Variants in NUP214 observed in about 807,000 individuals in gnomAD.
The protein encoded by NUP214 is nucleoporin 214, also known as nuclear pore complex protein Nup214.
Under a neutral mutation model 196.2 loss-of-function variants are expected in NUP214, and 79 were observed. The observed-to-expected ratio is 0.40, with a 90% CI of 0.34 to 0.49. The LOEUF (loss-of-function observed/expected upper bound fraction) is 0.49, where lower values mean the gene tolerates loss of function less well. Among genes scored for constraint, NUP214 ranks in the 20% least tolerant of loss-of-function variants. The pLI, the probability that NUP214 is intolerant of heterozygous loss-of-function variation, is 0.58. For synonymous variants in NUP214, 1,020 were observed against 990.5 expected (o/e 1.03, Z -0.56); for missense variants, 2,468 against 2,539.0 (o/e 0.97, Z 0.60).
intron 30 of NUP214, among the ~76,000 whole-genome samples, chr9:131,207,076 C>T (rs571217877): frequency 6.6e-6 from 1 of 152,260 alleles, no homozygotes; most frequent in East Asian, 1.9e-4. Flanking sequence ...TCAGAAAACT[C>T]TAAAGATGCT....
At position 131,195,314 on chromosome 9, in the gene NUP214, T is replaced by C; in HGVS notation, c.3721+20T>C. ...CACAAGGTACAGACTCTGTGTTGAG[T>C]AGCATTACTCATGTGTTTTCTCTAA... On this transcript the variant is annotated intron_variant, in intron 28 of 35. Transcript: ENST00000359428. 6.3e-7 allele frequency: 1 copy of C among 1,595,954 alleles called. No homozygotes were observed. Among genetic ancestry groups the C allele is most frequent in the Non-Finnish European group, 8.6e-7 (1 of 1,163,488 alleles).
At chr9:131,224,200 A>G (rs971317296) in intron 32 of NUP214, among the ~76,000 whole-genome samples, 5 of 152,332 alleles carry the variant, frequency 3.3e-5, no homozygotes, top group Middle Eastern at 3.4e-3. Context: ...ATATTTATAT[A>G]AACTATATGC....
intron 19 of NUP214, 134 bp downstream of exon 19, chr9:131,163,307 A>C: frequency 1.2e-6 from 1 of 826,928 alleles, no homozygotes; most frequent in Non-Finnish European, 1.8e-6. Context: ...TCAGGGTCCC[A>C]CCCTCTCTGA....
At chr9:131,221,841 C>T (rs568504826) in intron 31 of NUP214, among the ~76,000 whole-genome samples, 134 of 151,084 alleles carry the variant, frequency 8.9e-4, no homozygotes, top group African/African-American at 3.0e-3. Flanking sequence ...TTCCCACCAA[C>T]GCCCACCCCC....
At chr9:131,126,131 C>T (rs1011735744) in intron 1 of NUP214, 3 of 258,430 alleles carry the variant, frequency 1.2e-5, no homozygotes, top group African/African-American at 2.3e-5. Context: ...CCTAAAGTCA[C>T]ATTTGACGCG....
chr9:131,175,467 A>G lies in NUP214; in HGVS notation c.3165A>G (p.Thr1055=). ...TTTTTCTTTTCCTCTTAGTGGCTACATCTGCTAGCAAAATTATTCCTCAAG... is the reference window on the plus strand; with the variant it reads ...TTTTTCTTTTCCTCTTAGTGGCTACGTCTGCTAGCAAAATTATTCCTCAAG... ...SPGVMGTSVA[T]SASKIIPQGA... is the part of the protein sequence containing the mutation. Residue 1055 remains threonine, a synonymous_variant, in exon 23 of 36, where the codon ACA becomes ACG. Coordinates refer to ENST00000359428, the MANE Select transcript of NUP214 (RefSeq NM_005085.4). 2 of 1,614,146 alleles carry G rather than the reference A, an allele frequency of 1.2e-6. No individual in the cohort carries two copies. Among genetic ancestry groups the G allele is most frequent in the South Asian group, 2.2e-5 (2 of 91,082 alleles).
At position 131,144,524 on chromosome 9, in the gene NUP214, A is replaced by C; in HGVS notation, c.1539A>C (p.Pro513=). 6.2e-7 allele frequency: 1 copy of C among 1,614,082 alleles called. No homozygotes were observed. The highest frequency in any genetic ancestry group is 2.2e-5 in the East Asian group (1 of 44,882). ...GCTCCGACAGCTCCAAAGCAGCCCC[A>C]GGCCCTGGCCCATCAACCTTCTCTT... The part of the protein sequence containing the change: ...SSGSDSSKAA[P]GPGPSTFSFV... The change falls in exon 12 of 36, where the codon CCA becomes CCC. Residue 513 remains proline (P), a synonymous_variant. Coordinates refer to ENST00000359428, the MANE Select transcript of NUP214 (RefSeq NM_005085.4).
At chr9:131,209,741 T>A (rs765276904) in intron 30 of NUP214, among the ~76,000 whole-genome samples, 11 of 152,200 alleles carry the variant, frequency 7.2e-5, no homozygotes, top group Non-Finnish European at 1.5e-4. Context: ...CTGAAAGACT[T>A]GTAAGTGCAA....
At chr9:131,179,824 A>G (rs1416985597) in intron 24 of NUP214, among the ~76,000 whole-genome samples, 1 of 152,206 alleles carries the variant, frequency 6.6e-6, no homozygotes, top group Non-Finnish European at 1.5e-5. Context: ...GAGCCTTGGT[A>G]TGCTGTTTAG....
Position 131,138,943 on chromosome 9 carries a change from C to T in NUP214, c.1006-338C>T, listed in dbSNP as rs1023710207. On this transcript the variant is annotated intron_variant, in intron 9 of 35. Coordinates refer to ENST00000359428, the MANE Select transcript of NUP214 (RefSeq NM_005085.4). ...CTTAGTGCTGCTGTTGGATTTGTCC[C>T]TCATGGTCAGCAATCTCCCTAGTTG... Among the ~76,000 whole-genome samples the T allele has an allele frequency of 4.6e-5, 7 of 152,302 alleles. No individual in the cohort carries two copies. The East Asian group carries it at 9.6e-4, about 21-fold the overall frequency.
rs771612720 is a variant in NUP214, at chr9:131,197,306, G to A, written c.3812G>A (p.Ser1271Asn). The A allele has an allele frequency of 1.2e-6, 2 of 1,614,014 alleles. No individual in the cohort carries two copies. The highest frequency in any genetic ancestry group is 4.5e-5 in the East Asian group (2 of 44,896). Residue 1271 changes from serine (S) to asparagine (N), a missense_variant, in exon 29 of 36, where the codon AGC becomes AAC. Transcript: ENST00000359428. ...CCTTCTTATGAGGCCATTCCTGAAA[G>A]CTCACCTCCCTCAGGAATCACATCC... ...SKPSYEAIPE[S>N]SPPSGITSAS...
At chr9:131,152,009 C>A in intron 17 of NUP214, 115 bp downstream of exon 17, 1 of 773,786 alleles carries the variant, frequency 1.3e-6, no homozygotes, top group Non-Finnish European at 1.9e-6. Flanking sequence ...TGTTGATTTT[C>A]TGCTTATAAT....
rs184640120 is a variant in NUP214, at chr9:131,169,095, T to C, written c.2893+4951T>C. 2.3e-3 allele frequency among the ~76,000 whole-genome samples: 328 copies of C among 143,278 alleles called. 3 individuals are homozygous for C. Among genetic ancestry groups the C allele is most frequent in the African/African-American group, 8.1e-3 (315 of 38,910 alleles). 94.0% of individuals were successfully genotyped at this position (143,278 alleles called of 152,430 possible). ...GTTGCCAGGCTGGAGTGCAGTGGCA[T>C]GATCTCAGCTCACTGCAACCTCTGC... On this transcript the variant is annotated intron_variant, in intron 21 of 35. Transcript: ENST00000359428.
chr9:131,204,682 TC>T (rs1260199652), intron 30 of NUP214, among the ~76,000 whole-genome samples: 3 of 151,844 alleles, frequency 2.0e-5, no homozygotes. Flanking sequence ...AGAGAAAAAA[TC>T]CTGTAGGAGA....
At chr9:131,222,603 G>A (rs977786022) in intron 31 of NUP214, 175 bp from the exon 32 acceptor site, 13 of 587,704 alleles carry the variant, frequency 2.2e-5, no homozygotes, top group Admixed American at 1.0e-4. Flanking sequence ...CCAGCAAGGT[G>A]CGTGAAAATC....
intron 21 of NUP214, among the ~76,000 whole-genome samples, chr9:131,166,422 A>G (rs570202684): frequency 3.9e-5 from 6 of 152,292 alleles, no homozygotes; most frequent in African/African-American, 1.2e-4. Context: ...GTTTGTTCCA[A>G]TCAGTGGTAA....
chr9:131,169,274 T>C (rs1053393949), intron 21 of NUP214, among the ~76,000 whole-genome samples: 11 of 152,160 alleles, frequency 7.2e-5, no homozygotes, highest in African/African-American at 2.4e-4. Context: ...GACCTTGTGA[T>C]CCGCCTGCCT....
chr9:131,153,534 A>G (rs1417390383), intron 17 of NUP214, among the ~76,000 whole-genome samples: 1 of 152,118 alleles, frequency 6.6e-6, no homozygotes, highest in African/African-American at 2.4e-5. Flanking sequence ...CATCCGAGCT[A>G]CATGTTGTTC....
intron 26 of NUP214, chr9:131,191,370 AG>A (rs1250655994): frequency 1.3e-5 from 2 of 152,358 alleles, no homozygotes; most frequent in East Asian, 3.9e-4. Flanking sequence ...TGGGAGGCTG[AG>A]GCAGGAGAAT....
Sources: allele counts gnomAD v4.1 joint callset (sites outside exome capture counted in the v4.1 genomes callset), GRCh38; gene constraint gnomAD v4.1.1; transcripts MANE v1.5; gene names NCBI Gene and HGNC (gene_info 2026-07-23, HGNC 2026-07-21).